Variants in NFKB2 observed in about 807,000 individuals in gnomAD.
NFKB2 encodes the protein nuclear factor NF-kappa-B p100 subunit.
NFKB2 carries 21 observed loss-of-function variants against 109.3 expected under a neutral mutation model. That is an observed-to-expected ratio of 0.19 (90% CI 0.14 to 0.28). NFKB2 has a LOEUF of 0.28. Among genes scored for constraint, NFKB2 ranks in the 10% least tolerant of loss-of-function variants. The pLI is 1.00. For missense variants in NFKB2, 806 were observed against 1,185.3 expected (o/e 0.68, Z 4.70); for synonymous variants, 478 against 489.9 (o/e 0.98, Z 0.32).
In NFKB2 at chr10:102,398,990, AT is replaced by A; in HGVS notation, c.1117+128del. 1 of 1,065,174 alleles carries A rather than the reference AT, an allele frequency of 9.4e-7. No homozygotes were observed. Among genetic ancestry groups the A allele is most frequent in the Non-Finnish European group, 1.3e-6 (1 of 748,526 alleles). 66.0% of individuals were successfully genotyped at this position (1,065,174 alleles called of 1,614,324 possible). On this transcript the variant is annotated intron_variant, in intron 12 of 22. Transcript: ENST00000661543. This position sits in a 1 kb window ranked among gnomAD's most constrained non-coding sequence, Gnocchi z 6.6. ...CCCTTTGGGAGGCCAAGGCAGGCAG[AT>A]TACCTGAGATCAGGAGTTCAAGACC...
In NFKB2 at chr10:102,397,711, C is replaced by T; in HGVS notation, c.661+26C>T. The T allele has an allele frequency of 2.5e-6, 4 of 1,592,462 alleles. No homozygotes were observed. Among genetic ancestry groups the T allele is most frequent in the Non-Finnish European group, 3.4e-6 (4 of 1,163,780 alleles). On this transcript the variant is annotated intron_variant, in intron 8 of 22. Coordinates refer to ENST00000661543, the MANE Select transcript of NFKB2 (RefSeq NM_001322934.2). The surrounding 1 kb of genome is among the most constrained non-coding windows in gnomAD (Gnocchi z 4.7). The stretch of plus-strand genomic sequence containing the variant: ...GTGAGTATCCTGATTGCCTGGGGTG[C>T]CAGGCCTGGTGGCAGAGGTGGCATG...
chr10:102,398,516 G>A lies in NFKB2; in HGVS notation c.984G>A (p.Leu328=). The A allele has an allele frequency of 1.9e-6, 3 of 1,613,824 alleles. No homozygotes were observed. The highest frequency in any genetic ancestry group is 2.5e-6 in the Non-Finnish European group (3 of 1,179,788). Residue 328 remains leucine (L), a synonymous_variant, in exon 11 of 23, where the codon CTG becomes CTA. Transcript: ENST00000661543. This position sits in a 1 kb window ranked among gnomAD's most constrained non-coding sequence, Gnocchi z 6.6. ...CCAAACAGTTCACCTATTACCCTCT[G>A]GTGGAAGGTGGAGCTGGGCTGAGGA... The part of the protein sequence containing the change: ...SDSKQFTYYP[L]VEDKEEVQRK...
chr10:102,396,137 C>A lies in NFKB2; in HGVS notation c.22-116C>A. 6.9e-7 allele frequency: 1 copy of A among 1,452,278 alleles called. No homozygotes were observed. The highest frequency in any genetic ancestry group is 9.6e-7 in the Non-Finnish European group (1 of 1,044,900). The allele number at this position is 1,452,278 out of a possible 1,614,324, so 90.0% of individuals were successfully genotyped here. A position where few individuals can be genotyped will look rare whatever the true frequency, so the allele number is the denominator to read the frequency against. On this transcript the variant is annotated intron_variant, in intron 2 of 22. Coordinates refer to ENST00000661543, the MANE Select transcript of NFKB2 (RefSeq NM_001322934.2). This position sits in a 1 kb window ranked among gnomAD's most constrained non-coding sequence, Gnocchi z 5.9. ...TCTGCAACTCTGCCTCCAAAAGGAG[C>A]TTTCTCTTGGGTCTGAGGAGGAGGG... is the stretch of plus-strand genomic sequence containing the variant.
Position 102,400,167 on chromosome 10 carries a change from T to G in NFKB2, c.1557T>G (p.Val519=), listed in dbSNP as rs774902671. The G allele has an allele frequency of 3.1e-6, 5 of 1,614,100 alleles. No individual in the cohort carries two copies. The highest frequency in any genetic ancestry group is 4.2e-6 in the Non-Finnish European group (5 of 1,179,996). ...TCCACCACGCCCAGGACCTCGGCGT[T>G]GTCAACCTCACCAACCACCTGCACC... ...YVIHHAQDLG[V]VNLTNHLHQT... is the part of the protein sequence containing the mutation. The change falls in exon 15 of 23, where the codon GTT becomes GTG. Residue 519 remains valine (V), a synonymous_variant. Coordinates refer to ENST00000661543, the MANE Select transcript of NFKB2 (RefSeq NM_001322934.2). The surrounding 1 kb of genome is among the most constrained non-coding windows in gnomAD (Gnocchi z 6.3).
Position 102,397,383 on chromosome 10 carries a change from C to T in NFKB2, c.477C>T (p.Leu159=). The change falls in exon 7 of 23, where the codon CTC becomes CTT. Residue 159 remains leucine, a synonymous_variant. Transcript: ENST00000661543. This position sits in a 1 kb window ranked among gnomAD's most constrained non-coding sequence, Gnocchi z 4.7. Reference sequence around the variant, plus strand: ...TACAAAAACTTCAGAGGCAGCGGCTCCGCTCTAGGCCCCAGGGCCTTACGG... The same window carrying T: ...TACAAAAACTTCAGAGGCAGCGGCTTCGCTCTAGGCCCCAGGGCCTTACGG... The part of the protein sequence containing the change: ...TMIQKLQRQR[L]RSRPQGLTEA... 1 of 1,613,296 alleles carries T rather than the reference C, an allele frequency of 6.2e-7. No homozygotes were observed. Among genetic ancestry groups the T allele is most frequent in the South Asian group, 1.1e-5 (1 of 91,036 alleles).
rs1024608272 is a variant in NFKB2 at position 102,398,582 on chromosome 10, G to C, written c.991+59G>C. On this transcript the variant is annotated intron_variant, in intron 11 of 22. Transcript: ENST00000661543. The surrounding 1 kb of genome is among the most constrained non-coding windows in gnomAD (Gnocchi z 6.6). The stretch of plus-strand genomic sequence containing the variant: ...GGGGGGCCAGGCTGGGCTAGAAGAA[G>C]GTCCCAAGAGCTAGATGTGGGGATG... 6.2e-7 allele frequency: 1 copy of C among 1,609,084 alleles called. No homozygotes were observed. The highest frequency in any genetic ancestry group is 8.5e-7 in the Non-Finnish European group (1 of 1,177,030).
chr10:102,401,576 C>A lies in NFKB2; in HGVS notation c.2293+58C>A. Reference sequence around the variant, plus strand: ...CTCTGACTCCTCACAGAGGTCTCTTCTCCTTCAGGACCTCTGAAGGAGGCC... The same window carrying A: ...CTCTGACTCCTCACAGAGGTCTCTTATCCTTCAGGACCTCTGAAGGAGGCC... On this transcript the variant is annotated intron_variant, in intron 20 of 22. Coordinates refer to ENST00000661543, the MANE Select transcript of NFKB2 (RefSeq NM_001322934.2). The surrounding 1 kb of genome is among the most constrained non-coding windows in gnomAD (Gnocchi z 4.2). 2 of 1,585,736 alleles carry A rather than the reference C, an allele frequency of 1.3e-6. No homozygotes were observed. Among genetic ancestry groups the A allele is most frequent in the South Asian group, 1.1e-5 (1 of 90,286 alleles).
At chr10:102,399,262 T>G in intron 12 of NFKB2, 26 bp from the exon 13 acceptor site, 7 of 1,557,958 alleles carry the variant, frequency 4.5e-6, no homozygotes, top group Non-Finnish European at 6.1e-6. Flanking sequence ...GGTGCCCGCT[T>G]CCCACAGCCC....
chr10:102,396,065 C>T lies in NFKB2; in HGVS notation c.21+85C>T. The T allele has an allele frequency of 6.4e-7, 1 of 1,562,324 alleles. No individual in the cohort carries two copies. The highest frequency in any genetic ancestry group is 1.3e-5 in the African/African-American group (1 of 74,132). On this transcript the variant is annotated intron_variant, in intron 2 of 22. Transcript: ENST00000661543. This position sits in a 1 kb window ranked among gnomAD's most constrained non-coding sequence, Gnocchi z 5.9. ...TGCCCGAGCCCCCTCTGCTGCCTTA[C>T]ACCTGTATGCTCGCAGATGCTCTCA... is the stretch of plus-strand genomic sequence containing the variant.
upstream of NFKB2, among the ~76,000 whole-genome samples, chr10:102,395,514 G>A (rs1004599977): frequency 9.2e-5 from 14 of 152,158 alleles, no homozygotes; most frequent in Middle Eastern, 3.2e-3. Flanking sequence ...GGGAGGAGGG[G>A]GCTTAACCCC....
rs758125049 is a variant in NFKB2 at position 102,396,424 on chromosome 10, C to T, written c.104-25C>T. ...TGGGGGAGGGGCTGGGAGATCGTGGCTCAGCAAGGTCTCTCTGTCCCCAGC... is the reference window on the plus strand; with the variant it reads ...TGGGGGAGGGGCTGGGAGATCGTGGTTCAGCAAGGTCTCTCTGTCCCCAGC... On this transcript the variant is annotated intron_variant, in intron 3 of 22. Transcript: ENST00000661543. The surrounding 1 kb of genome is among the most constrained non-coding windows in gnomAD (Gnocchi z 5.9). The T allele has an allele frequency of 2.5e-6, 4 of 1,614,100 alleles. No individual in the cohort carries two copies. The Admixed American group carries it at 5.0e-5, about 20-fold the overall frequency.
At position 102,400,499 on chromosome 10, in the gene NFKB2, C is replaced by G; in HGVS notation, c.1798+8C>G. On this transcript the variant is annotated splice_region_variant and intron_variant, in intron 16 of 22. Transcript: ENST00000661543. The surrounding 1 kb of genome is among the most constrained non-coding windows in gnomAD (Gnocchi z 6.3). ...ATATGCCTGACTTTGAGGGTGAGCTCCCCATCTCACCTGACTAAGGGGGCA... is the reference window on the plus strand; with the variant it reads ...ATATGCCTGACTTTGAGGGTGAGCTGCCCATCTCACCTGACTAAGGGGGCA... The G allele has an allele frequency of 6.3e-7, 1 of 1,596,206 alleles. No individual in the cohort carries two copies. The highest frequency in any genetic ancestry group is 1.1e-5 in the South Asian group (1 of 89,406).
In NFKB2 at chr10:102,398,160, G is replaced by C; in HGVS notation, c.767-52G>C. ...GGGCCAGGGAAGCTCTAGGGTAAAT[G>C]GCCCCAGAGATTCCACCGGGAGCTG... On this transcript the variant is annotated intron_variant, in intron 9 of 22. Coordinates refer to ENST00000661543, the MANE Select transcript of NFKB2 (RefSeq NM_001322934.2). The surrounding 1 kb of genome is among the most constrained non-coding windows in gnomAD (Gnocchi z 6.6). 6.2e-7 allele frequency: 1 copy of C among 1,612,084 alleles called. No homozygotes were observed. Among genetic ancestry groups the C allele is most frequent in the Non-Finnish European group, 8.5e-7 (1 of 1,178,160 alleles).
At position 102,402,394 on chromosome 10, in the gene NFKB2, G is replaced by A; in HGVS notation, c.*18G>A. 1 of 1,465,798 alleles carries A rather than the reference G, an allele frequency of 6.8e-7. No homozygotes were observed. The highest frequency in any genetic ancestry group is 9.2e-7 in the Non-Finnish European group (1 of 1,086,768). 90.8% of individuals were successfully genotyped at this position (1,465,798 alleles called of 1,614,324 possible). On this transcript the variant is annotated 3_prime_UTR_variant, in exon 23 of 23. Transcript: ENST00000661543. ...TGCACTGACCTGCTGCCTGCCCCCA[G>A]CCCCCTTCCCGGACCCCCTGTACAG...
rs745719651 is a variant in NFKB2 at position 102,400,198 on chromosome 10, C to T, written c.1584+4C>T. 5 of 1,613,894 alleles carry T rather than the reference C, an allele frequency of 3.1e-6. No individual in the cohort carries two copies. Among genetic ancestry groups the T allele is most frequent in the African/African-American group, 2.7e-5 (2 of 75,056 alleles). On this transcript the variant is annotated splice_donor_region_variant and intron_variant, in intron 15 of 22. Coordinates refer to ENST00000661543, the MANE Select transcript of NFKB2 (RefSeq NM_001322934.2). This position sits in a 1 kb window ranked among gnomAD's most constrained non-coding sequence, Gnocchi z 6.3. Reference sequence around the variant, plus strand: ...CCTCACCAACCACCTGCACCAGGTGCGGGGGCGCCTACTGGGGAGGTGGGA... The same window carrying T: ...CCTCACCAACCACCTGCACCAGGTGTGGGGGCGCCTACTGGGGAGGTGGGA...
rs2061231441 is a variant in NFKB2, at chr10:102,401,068, G to A, written c.2071+19G>A. ...AAGGCTGGTCAGTCTCACCCTCAGG[G>A]GCACTTGAACAGGGTGGGGGGAAGG... On this transcript the variant is annotated intron_variant, in intron 18 of 22. Coordinates refer to ENST00000661543, the MANE Select transcript of NFKB2 (RefSeq NM_001322934.2). This position sits in a 1 kb window ranked among gnomAD's most constrained non-coding sequence, Gnocchi z 4.2. 1 of 1,613,968 alleles carries A rather than the reference G, an allele frequency of 6.2e-7. No individual in the cohort carries two copies. Among genetic ancestry groups the A allele is most frequent in the African/African-American group, 1.3e-5 (1 of 75,038 alleles).
chr10:102,397,718 T>G lies in NFKB2; in HGVS notation c.661+33T>G, dbSNP rs369550409. On this transcript the variant is annotated intron_variant, in intron 8 of 22. Coordinates refer to ENST00000661543, the MANE Select transcript of NFKB2 (RefSeq NM_001322934.2). The surrounding 1 kb of genome is among the most constrained non-coding windows in gnomAD (Gnocchi z 4.7). ...TCCTGATTGCCTGGGGTGCCAGGCC[T>G]GGTGGCAGAGGTGGCATGAGGGGTG... is the stretch of plus-strand genomic sequence containing the variant. The G allele has an allele frequency of 6.2e-5, 98 of 1,590,238 alleles. No homozygotes were observed. The African/African-American group carries it at 1.2e-3, about 20-fold the overall frequency.
chr10:102,400,041 C>T lies in NFKB2; in HGVS notation c.1470-39C>T. ...TGGGGCCTTGAAAGCGAAGGATGCT[C>T]TGAGTGGCTGGGCCAGACTCTCGCT... On this transcript the variant is annotated intron_variant, in intron 14 of 22. Transcript: ENST00000661543. The surrounding 1 kb of genome is among the most constrained non-coding windows in gnomAD (Gnocchi z 6.3). The T allele has an allele frequency of 6.3e-7, 1 of 1,598,342 alleles. No individual in the cohort carries two copies. The highest frequency in any genetic ancestry group is 8.6e-7 in the Non-Finnish European group (1 of 1,166,570).
intron 12 of NFKB2, 28 bp from the exon 13 acceptor site, chr10:102,399,260 C>T: frequency 6.4e-7 from 1 of 1,560,674 alleles, no homozygotes; most frequent in Non-Finnish European, 8.7e-7. Flanking sequence ...CTGGTGCCCG[C>T]TTCCCACAGC....
Sources: gnomAD v4.1 joint callset for allele counts (sites outside exome capture counted in the v4.1 genomes callset) on GRCh38, gnomAD v4.1.1 for gene constraint, Gnocchi (gnomAD v3.1) non-coding constraint, MANE v1.5 for transcripts, NCBI Gene and HGNC (gene_info 2026-07-23, HGNC 2026-07-21) for gene names.